GALC: variants seen among roughly 807,000 people sequenced by gnomAD.
The protein encoded by GALC is galactosylceramidase.
In GALC, 77 loss-of-function variants were observed where a neutral mutation model predicts 91.8. The observed-to-expected ratio is 0.84, with a 90% CI of 0.70 to 1.01. The LOEUF is 1.01. Ranked by LOEUF, GALC falls within the 50% of genes least tolerant of loss-of-function variation. GALC has a pLI of 0.00. For synonymous variants in GALC, 357 were observed against 306.7 expected (o/e 1.16, Z -1.71); for missense variants, 882 against 855.9 (o/e 1.03, Z -0.38).
At chr14:87,940,007 T>C (rs771594398) in intron 15 of GALC, 26 bp from the exon 16 acceptor site, 1 of 1,543,196 alleles carries the variant, frequency 6.5e-7, no homozygotes, top group Non-Finnish European at 9.0e-7. Flanking sequence ...ATTATCCCAA[T>C]AGATATAATT....
rs1370265746 is a variant in GALC at position 87,952,982 on chromosome 14, T to A, written c.1162-2234A>T. ...TCTGTGGTCAGAACTTTCACTCAAA[T>A]TTGTTTCAGTTAGACCACAAATGTG... is the stretch of plus-strand genomic sequence containing the variant. On this transcript the variant is annotated intron_variant, in intron 10 of 16. Transcript: ENST00000261304. 1.4e-5 allele frequency: 14 copies of A among 988,878 alleles called. No homozygotes were observed. The East Asian group carries it at 3.4e-4, about 24-fold the overall frequency. 61.3% of individuals were successfully genotyped at this position (988,878 alleles called of 1,614,324 possible). A position where few individuals can be genotyped will look rare whatever the true frequency, so the allele number is the denominator to read the frequency against.
intron 16 of GALC, among the ~76,000 whole-genome samples, chr14:87,935,235 C>T (rs561444423): frequency 6.6e-6 from 1 of 152,222 alleles, no homozygotes; most frequent in Admixed American, 6.5e-5. Context: ...TAAGTAGTCA[C>T]ATGTACAAGT....
At chr14:87,935,463 G>A (rs74072495) in intron 16 of GALC, among the ~76,000 whole-genome samples, 2,550 of 152,176 alleles carry the variant, frequency 0.017, 72 homozygotes, top group African/African-American at 0.058. Flanking sequence ...GTAACCATCA[G>A]TTAAAGTGAT....
chr14:87,983,066 G>A (rs1029623932), intron 5 of GALC, among the ~76,000 whole-genome samples: 2 of 152,168 alleles, frequency 1.3e-5, no homozygotes, highest in Admixed American at 6.5e-5. Flanking sequence ...CCGGCCAGGC[G>A]TGGTGGCTCA....
intron 7 of GALC, among the ~76,000 whole-genome samples, chr14:87,975,144 C>T (rs1317628074): frequency 6.6e-6 from 1 of 151,788 alleles, no homozygotes. Context: ...CTAAATCTAA[C>T]CTAAACTACC....
intron 6 of GALC, among the ~76,000 whole-genome samples, chr14:87,978,852 C>G (rs1305888266): frequency 6.7e-6 from 1 of 149,372 alleles, no homozygotes; most frequent in East Asian, 2.0e-4. Context: ...TTCAAAGAAA[C>G]AATACCCTTG....
chr14:87,985,916 T>C (rs748281549), intron 4 of GALC, among the ~76,000 whole-genome samples: 5 of 152,182 alleles, frequency 3.3e-5, no homozygotes, highest in East Asian at 1.9e-4. Context: ...GGGGACGGGA[T>C]TGGCTTCCTG....
At chr14:87,950,176 A>G (rs1885244088) in intron 11 of GALC, among the ~76,000 whole-genome samples, 1 of 152,080 alleles carries the variant, frequency 6.6e-6, no homozygotes, top group South Asian at 2.1e-4. Context: ...CTTTGCTTCA[A>G]AAACATTCAT....
rs952818319 is a variant in GALC, at chr14:87,952,878, C to A, written c.1162-2130G>T. On this transcript the variant is annotated intron_variant, in intron 10 of 16. Transcript: ENST00000261304. ...AATATGTGGATTTGAAAGCATAGTT[C>A]TGCATTTAACTGAAAAGTATCAAAA... 2.3e-5 allele frequency: 24 copies of A among 1,022,994 alleles called. No individual in the cohort carries two copies. The Admixed American group carries it at 2.7e-4, about 12-fold the overall frequency. 63.4% of individuals were successfully genotyped at this position (1,022,994 alleles called of 1,614,324 possible). A position where few individuals can be genotyped will look rare whatever the true frequency, so the allele number is the denominator to read the frequency against.
At chr14:87,963,659 T>C in intron 9 of GALC, 148 bp from the exon 10 acceptor site, 1 of 661,580 alleles carries the variant, frequency 1.5e-6, no homozygotes, top group Non-Finnish European at 2.6e-6. Context: ...GTCAACCTCA[T>C]GTTTAAATTT....
Position 87,976,406 on chromosome 14 carries a change from G to A in GALC, c.704C>T (p.Ala235Val), listed in dbSNP as rs935151426. 2 of 1,613,932 alleles carry A rather than the reference G, an allele frequency of 1.2e-6. No homozygotes were observed. Among genetic ancestry groups the A allele is most frequent in the Non-Finnish European group, 1.7e-6 (2 of 1,179,830 alleles). ...ASDNLWESIS[A>V]SMLLDAELFK... Reference sequence around the variant, plus strand: ...GAGTTCGGCATCAAGGAGCATGGATGCAGAGATGGACTCCCAGAGATTATC... The same window carrying A: ...GAGTTCGGCATCAAGGAGCATGGATACAGAGATGGACTCCCAGAGATTATC... Residue 235 changes from alanine (A) to valine (V), a missense_variant, in exon 7 of 17, where the codon GCA becomes GTA. Ala to Val is a moderately conservative substitution (Grantham distance 64). Transcript: ENST00000261304.
intron 4 of GALC, 99 bp from the exon 5 acceptor site, chr14:87,984,632 C>A: frequency 1.7e-6 from 2 of 1,168,222 alleles, no homozygotes; most frequent in Admixed American, 4.0e-5. Flanking sequence ...ATTCAACTAG[C>A]AAAAAACCAA....
Position 87,984,454 on chromosome 14 carries a change from A to G in GALC, c.522T>C (p.Tyr174=). The G allele has an allele frequency of 6.2e-7, 1 of 1,614,184 alleles. No homozygotes were observed. The part of the protein sequence containing the change: ...PYVNLQLTAY[Y]VVTWIVGAKR... ...TGGCGCCCACAATCCAGGTCACGAC[A>G]TAATAGGCAGTCAGCTGAAGATTGA... The change falls in exon 5 of 17, where the codon TAT becomes TAC. Residue 174 remains tyrosine (Y), a synonymous_variant. Coordinates refer to ENST00000261304, the MANE Select transcript of GALC (RefSeq NM_000153.4).
chr14:87,958,530 G>A (rs1885659017), intron 10 of GALC, among the ~76,000 whole-genome samples: 1 of 152,062 alleles, frequency 6.6e-6, no homozygotes, highest in Non-Finnish European at 1.5e-5. Context: ...ACCACAAACA[G>A]TCAATGCAAC....
intron 1 of GALC, chr14:87,992,162 A>G (rs888295334): frequency 7.9e-6 from 7 of 881,298 alleles, no homozygotes; most frequent in Middle Eastern, 2.2e-4. Flanking sequence ...GCAGGCATTC[A>G]AGCTTGTTCT....
Position 87,992,958 on chromosome 14 carries a change from C to T in GALC, c.195+12G>A, listed in dbSNP as rs763122188. On this transcript the variant is annotated intron_variant, in intron 1 of 16. Coordinates refer to ENST00000261304, the MANE Select transcript of GALC (RefSeq NM_000153.4). ...TGCCGCCCCCCGCGTATCCCCGCAGCTTGCCGCTCACCCCGCCGCCGCTGA... is the reference window on the plus strand; with the variant it reads ...TGCCGCCCCCCGCGTATCCCCGCAGTTTGCCGCTCACCCCGCCGCCGCTGA... 27 of 1,512,420 alleles carry T rather than the reference C, an allele frequency of 1.8e-5. No homozygotes were observed. In the Admixed American group the frequency reaches 4.6e-4, roughly 26 times the overall value. 93.7% of individuals were successfully genotyped at this position (1,512,420 alleles called of 1,614,324 possible).
In GALC at chr14:87,986,691, C is replaced by G. The variant is rs45627231; in HGVS notation, c.329-89G>C. Reference sequence around the variant, plus strand: ...ACTCCCCACCCCCACCCCAGACACACACTTCACAAAAGCAGTATTCCAGTT... The same window carrying G: ...ACTCCCCACCCCCACCCCAGACACAGACTTCACAAAAGCAGTATTCCAGTT... On this transcript the variant is annotated intron_variant, in intron 3 of 16. Coordinates refer to ENST00000261304, the MANE Select transcript of GALC (RefSeq NM_000153.4). 2.4e-3 allele frequency: 1,813 copies of G among 759,098 alleles called. 5 individuals are homozygous for G. Among genetic ancestry groups the G allele is most frequent in the Non-Finnish European group, 3.6e-3 (1,529 of 426,922 alleles). The allele number at this position is 759,098 out of a possible 1,614,324, so 47.0% of individuals were successfully genotyped here.
At chr14:87,986,821 T>A in intron 3 of GALC, 2 of 561,786 alleles carry the variant, frequency 3.6e-6, no homozygotes, top group South Asian at 2.0e-5. Flanking sequence ...TGTAAAAGTC[T>A]TAATAAAACC....
chr14:87,938,706 G>C (rs1884698642), intron 16 of GALC, among the ~76,000 whole-genome samples: 2 of 151,822 alleles, frequency 1.3e-5, no homozygotes, highest in Non-Finnish European at 2.9e-5. Flanking sequence ...GTTTAGCTTG[G>C]GGGAAAAATG....
Sources: allele counts gnomAD v4.1 joint callset (sites outside exome capture counted in the v4.1 genomes callset), GRCh38; gene constraint gnomAD v4.1.1; transcripts MANE v1.5; gene names NCBI Gene and HGNC (gene_info 2026-07-23, HGNC 2026-07-21).